The following MEGF6 variants were observed in gnomAD, a reference collection of about 807,000 sequenced individuals.
MEGF6 encodes the protein multiple EGF like domains 6.
Under a neutral mutation model 207.1 loss-of-function variants are expected in MEGF6, and 184 were observed. That is an observed-to-expected ratio of 0.89 (90% CI 0.79 to 1.00). The LOEUF is 1.00. Ranked by LOEUF, MEGF6 falls within the 50% of genes least tolerant of loss-of-function variation. The pLI is 0.00. For missense variants in MEGF6, 2,282 were observed against 2,202.9 expected, an observed-to-expected ratio of 1.04 and a Z score of -0.72; for synonymous variants, 1,038 against 910.0, an observed-to-expected ratio of 1.14 and a Z score of -2.53.
chr1:3,585,741 TGTGA>T (rs1329200925), intron 3 of MEGF6, among the ~76,000 whole-genome samples: 8 of 136,580 alleles, frequency 5.9e-5, no homozygotes, highest in South Asian at 2.4e-4. Context: ...TGTGTGTGGG[TGTGA>T]GTGACACATG....
chr1:3,524,031 A>G, intron 5 of MEGF6, 93 bp downstream of exon 5: 1 of 1,436,516 alleles, frequency 7.0e-7, no homozygotes, highest in South Asian at 1.3e-5. Context: ...CTCCATGTCC[A>G]CAGCCACCCT....
intron 2 of MEGF6, among the ~76,000 whole-genome samples, chr1:3,598,530 C>T (rs1381980829): frequency 1.3e-5 from 2 of 152,190 alleles, no homozygotes; most frequent in Admixed American, 6.5e-5. Flanking sequence ...GCAGCAGTGC[C>T]GGGCTACGTG....
chr1:3,517,424 C>T (rs936094395), intron 5 of MEGF6, among the ~76,000 whole-genome samples: 3 of 152,228 alleles, frequency 2.0e-5, no homozygotes, highest in Admixed American at 2.0e-4. Context: ...CTTGCCACTC[C>T]AGTCCACACA....
intron 17 of MEGF6, 68 bp from the exon 18 acceptor site, chr1:3,501,989 A>C (rs1383426076): frequency 3.4e-6 from 5 of 1,455,364 alleles, no homozygotes; most frequent in East Asian, 3.0e-5. Flanking sequence ...CCTTTCCCCC[A>C]GGGGCTCCTG....
chr1:3,494,345 C>A, intron 32 of MEGF6, 26 bp downstream of exon 32: 1 of 1,531,572 alleles, frequency 6.5e-7, no homozygotes, highest in Non-Finnish European at 8.7e-7. Flanking sequence ...GGGGCCCCAG[C>A]CCAGCTGCAC....
At chr1:3,531,834 G>A (rs1048862044) in intron 4 of MEGF6, among the ~76,000 whole-genome samples, 2 of 152,150 alleles carry the variant, frequency 1.3e-5, no homozygotes, top group African/African-American at 4.8e-5. Context: ...GGGGGCCGCG[G>A]GGCGGGGGAG....
chr1:3,577,454 G>A (rs1643673629), intron 4 of MEGF6, among the ~76,000 whole-genome samples: 1 of 152,268 alleles, frequency 6.6e-6, no homozygotes, highest in Non-Finnish European at 1.5e-5. Context: ...TAGGCTGCTT[G>A]TGAGCTGAGC....
intron 13 of MEGF6, among the ~76,000 whole-genome samples, chr1:3,508,258 A>C (rs1641193941): frequency 6.6e-6 from 1 of 152,140 alleles, no homozygotes; most frequent in Non-Finnish European, 1.5e-5. Context: ...TCACTGTCTT[A>C]GTTATTTGCT....
intron 14 of MEGF6, among the ~76,000 whole-genome samples, chr1:3,506,933 G>T (rs1033438949): frequency 1.6e-4 from 25 of 152,268 alleles, no homozygotes; most frequent in African/African-American, 6.0e-4. Flanking sequence ...TGGAGAAGGG[G>T]AGGTGACCCC....
intron 3 of MEGF6, among the ~76,000 whole-genome samples, chr1:3,589,528 C>T (rs1180554814): frequency 6.6e-6 from 1 of 152,158 alleles, no homozygotes; most frequent in Non-Finnish European, 1.5e-5. Flanking sequence ...CCTTCCTGGA[C>T]CCCCATCCAA....
Position 3,578,137 on chromosome 1 carries a change from G to A in MEGF6, c.481+1688C>T, listed in dbSNP as rs115962896. 7.0e-3 allele frequency among the ~76,000 whole-genome samples: 1,068 copies of A among 152,190 alleles called. 16 individuals are homozygous for A. Among genetic ancestry groups the A allele is most frequent in the Middle Eastern group, 0.034 (10 of 294 alleles). The stretch of plus-strand genomic sequence containing the variant: ...GGACACGGCCAGGAAAGGCCACCCC[G>A]CAAGGCCACCTCCTCCTCGCCCTCC... On this transcript the variant is annotated intron_variant, in intron 4 of 36. Coordinates refer to ENST00000356575, the MANE Select transcript of MEGF6 (RefSeq NM_001409.4).
chr1:3,619,460 C>A, the MEGF6 span, among the ~76,000 whole-genome samples: 1 of 146,938 alleles, frequency 6.8e-6, no homozygotes, highest in Non-Finnish European at 1.5e-5. Context: ...ATGCCCCCAC[C>A]CAAATGTCAT....
intron 11 of MEGF6, among the ~76,000 whole-genome samples, chr1:3,509,472 C>A (rs565356645): frequency 3.9e-5 from 6 of 152,300 alleles, no homozygotes; most frequent in Non-Finnish European, 8.8e-5. Flanking sequence ...CTGAACCCGG[C>A]CCCTCTGCCC....
upstream of MEGF6, among the ~76,000 whole-genome samples, chr1:3,614,788 T>C (rs1644364541): frequency 6.6e-6 from 1 of 152,374 alleles, no homozygotes; most frequent in East Asian, 1.9e-4. Context: ...CTGTCCGCCG[T>C]GAAGGAGGAA....
intron 35 of MEGF6, 116 bp from the exon 36 acceptor site, chr1:3,491,075 G>T: frequency 1.2e-6 from 1 of 830,444 alleles, no homozygotes; most frequent in Non-Finnish European, 1.7e-6. Flanking sequence ...CCCCCGCACA[G>T]TCTCCTTCCC....
intron 4 of MEGF6, among the ~76,000 whole-genome samples, chr1:3,536,100 T>C (rs1206470857): frequency 6.6e-6 from 1 of 152,132 alleles, no homozygotes; most frequent in African/African-American, 2.4e-5. Context: ...GAGCCTTCCC[T>C]GGCAGTCTAG....
the MEGF6 span, among the ~76,000 whole-genome samples, chr1:3,620,951 G>A: frequency 6.6e-6 from 1 of 152,226 alleles, no homozygotes; most frequent in Non-Finnish European, 1.5e-5. Context: ...GAGGCGGAGA[G>A]AGAGAGGAGA....
intron 4 of MEGF6, among the ~76,000 whole-genome samples, chr1:3,542,379 A>C (rs569932474): frequency 2.0e-5 from 3 of 152,314 alleles, no homozygotes; most frequent in South Asian, 4.1e-4. Context: ...TGTTCACAGG[A>C]CTGAACTCCA....
At chr1:3,516,464 G>A (rs1309409508) in intron 5 of MEGF6, among the ~76,000 whole-genome samples, 2 of 152,190 alleles carry the variant, frequency 1.3e-5, no homozygotes, top group African/African-American at 2.4e-5. Flanking sequence ...CCTGTGCCCA[G>A]AGCAATCCCA....
Sources: allele counts gnomAD v4.1 joint callset (sites outside exome capture counted in the v4.1 genomes callset), GRCh38; gene constraint gnomAD v4.1.1; transcripts MANE v1.5; gene names NCBI Gene and HGNC (gene_info 2026-07-23, HGNC 2026-07-21).